FAM120A: variants seen among roughly 807,000 people sequenced by gnomAD.
FAM120A encodes the protein family with sequence similarity 120 member A.
In FAM120A, 15 loss-of-function variants were observed where a neutral mutation model predicts 109.7. The observed-to-expected ratio is 0.14, with a 90% confidence interval of 0.09 to 0.21. The LOEUF is 0.21. Among genes scored for constraint, FAM120A ranks in the 10% least tolerant of loss-of-function variants. The pLI is 1.00. For synonymous variants in FAM120A, 493 were observed against 572.8 expected (o/e 0.86, Z 1.99); for missense variants, 899 against 1,439.3 (o/e 0.62, Z 6.07).
chr9:93,452,819 G>A lies in FAM120A; in HGVS notation c.474+430G>A. 1 of 1,572,630 alleles carries A rather than the reference G, an allele frequency of 6.4e-7. No individual in the cohort carries two copies. The highest frequency in any genetic ancestry group is 1.1e-5 in the South Asian group (1 of 88,272). On this transcript the variant is annotated intron_variant, in intron 1 of 17. Transcript: ENST00000277165. This position sits in a 1 kb window ranked among gnomAD's most constrained non-coding sequence, Gnocchi z 7.0. ...ACAGGTTCATCTTGGAAGCAGGCAGGATACAGAGTAATAGAGGGGGTTTCG... is the reference window on the plus strand; with the variant it reads ...ACAGGTTCATCTTGGAAGCAGGCAGAATACAGAGTAATAGAGGGGGTTTCG...
At chr9:93,496,759 G>A (rs1414074141) in intron 3 of FAM120A, among the ~76,000 whole-genome samples, 1 of 152,242 alleles carries the variant, frequency 6.6e-6, no homozygotes, top group Non-Finnish European at 1.5e-5. Context: ...AGCTTTGGGA[G>A]GTCATTGTCC....
At chr9:93,559,876 C>T (rs1352506328) in intron 15 of FAM120A, among the ~76,000 whole-genome samples, 1 of 152,224 alleles carries the variant, frequency 6.6e-6, no homozygotes, top group Non-Finnish European at 1.5e-5. Context: ...CTCAGATTTG[C>T]ACTGCCTAGT....
At chr9:93,464,841 A>T (rs1434297597) in intron 1 of FAM120A, among the ~76,000 whole-genome samples, 1 of 152,202 alleles carries the variant, frequency 6.6e-6, no homozygotes, top group African/African-American at 2.4e-5. Flanking sequence ...TTCAGGGCTT[A>T]ATTTTTTACG....
intron 3 of FAM120A, among the ~76,000 whole-genome samples, chr9:93,481,085 T>C (rs900777974): frequency 2.6e-5 from 4 of 152,154 alleles, no homozygotes; most frequent in Non-Finnish European, 4.4e-5. Flanking sequence ...CCATTCGGTC[T>C]GCCTGGACAT....
Position 93,471,399 on chromosome 9 carries a change from A to C in FAM120A, c.721+12A>C. 6.2e-7 allele frequency: 1 copy of C among 1,613,934 alleles called. No individual in the cohort carries two copies. Among genetic ancestry groups the C allele is most frequent in the Non-Finnish European group, 8.5e-7 (1 of 1,179,848 alleles). On this transcript the variant is annotated intron_variant, in intron 2 of 17. Transcript: ENST00000277165. ...TGCTGCTCTCTTAGGTAGGTGGAGC[A>C]GTGTGAAAATATTTTATAAGGGAGT...
chr9:93,509,170 T>A (rs1860200037), intron 5 of FAM120A, among the ~76,000 whole-genome samples: 1 of 152,208 alleles, frequency 6.6e-6, no homozygotes, highest in Admixed American at 6.5e-5. Flanking sequence ...AGTGGAAATG[T>A]GAAAGAGACC....
Position 93,558,570 on chromosome 9 carries a change from G to A in FAM120A, c.2669-11G>A, listed in dbSNP as rs1396000873. Reference sequence around the variant, plus strand: ...CACTTCTCCCCTCTCTCTCTACCCCGGGTCCCACAGGCGTCTGTGGCTTTG... The same window carrying A: ...CACTTCTCCCCTCTCTCTCTACCCCAGGTCCCACAGGCGTCTGTGGCTTTG... On this transcript the variant is annotated splice_polypyrimidine_tract_variant and intron_variant, in intron 14 of 17. Transcript: ENST00000277165. 36 of 1,613,768 alleles carry A rather than the reference G, an allele frequency of 2.2e-5. No homozygotes were observed. Among genetic ancestry groups the A allele is most frequent in the Non-Finnish European group, 2.5e-5 (30 of 1,179,938 alleles).
chr9:93,557,231 G>A (rs1862316932), intron 13 of FAM120A, among the ~76,000 whole-genome samples: 1 of 148,566 alleles, frequency 6.7e-6, no homozygotes, highest in South Asian at 2.2e-4. Context: ...CCAGGTTCAA[G>A]TGATTCTCCT....
At chr9:93,525,092 G>A (rs1400146915) in intron 7 of FAM120A, among the ~76,000 whole-genome samples, 4 of 151,582 alleles carry the variant, frequency 2.6e-5, no homozygotes, top group East Asian at 1.9e-4. Context: ...AAATATATTG[G>A]CCTTCTCAAA....
At chr9:93,534,868 A>G (rs1246509444) in intron 10 of FAM120A, among the ~76,000 whole-genome samples, 1 of 152,126 alleles carries the variant, frequency 6.6e-6, no homozygotes, top group Non-Finnish European at 1.5e-5. Flanking sequence ...GGGTAAGGAT[A>G]CCTCAGATTT....
intron 3 of FAM120A, among the ~76,000 whole-genome samples, chr9:93,495,483 G>A (rs956572216): frequency 1.3e-5 from 2 of 152,206 alleles, no homozygotes. Context: ...ATACATGGAG[G>A]CTTTGAGAGC....
At chr9:93,479,013 G>T (rs1858676223) in intron 3 of FAM120A, among the ~76,000 whole-genome samples, 1 of 151,426 alleles carries the variant, frequency 6.6e-6, no homozygotes, top group African/African-American at 2.4e-5. Context: ...ATAATATTCT[G>T]AGTTTTATTT....
At chr9:93,523,323 G>C in intron 7 of FAM120A, 2 of 1,289,394 alleles carry the variant, frequency 1.6e-6, no homozygotes, top group Non-Finnish European at 2.0e-6. Flanking sequence ...GTTTCACAAA[G>C]AGAATTCCAT....
In FAM120A at chr9:93,532,120, A is replaced by G. The variant is rs1861352414; in HGVS notation, c.1735-35A>G. 6.3e-7 allele frequency: 1 copy of G among 1,590,230 alleles called. No homozygotes were observed. Among genetic ancestry groups the G allele is most frequent in the Non-Finnish European group, 8.6e-7 (1 of 1,161,724 alleles). ...GTGTATTGTAAATTCAACATGAAAA[A>G]TGTGCAATGTTATTCTGCTTTCTTC... On this transcript the variant is annotated intron_variant, in intron 9 of 17. Transcript: ENST00000277165. This position sits in a 1 kb window ranked among gnomAD's most constrained non-coding sequence, Gnocchi z 4.3.
At chr9:93,514,815 CCT>C (rs1424135699) in intron 5 of FAM120A, among the ~76,000 whole-genome samples, 1 of 152,178 alleles carries the variant, frequency 6.6e-6, no homozygotes. Flanking sequence ...TGACGTGGCC[CCT>C]GAGCTCTCTT....
At chr9:93,456,530 G>C (rs1450279322) in intron 1 of FAM120A, among the ~76,000 whole-genome samples, 1 of 152,186 alleles carries the variant, frequency 6.6e-6, no homozygotes, top group African/African-American at 2.4e-5. Context: ...ACTTGATGGG[G>C]GAAGAGAATG....
intron 1 of FAM120A, among the ~76,000 whole-genome samples, chr9:93,454,590 A>G (rs983398982): frequency 6.6e-6 from 1 of 152,228 alleles, no homozygotes; most frequent in Non-Finnish European, 1.5e-5. Context: ...CAGGAGCACC[A>G]TTAATAGCAA....
intron 10 of FAM120A, among the ~76,000 whole-genome samples, chr9:93,534,800 CA>C (rs1314255175): frequency 2.0e-5 from 3 of 151,990 alleles, no homozygotes; most frequent in Non-Finnish European, 4.4e-5. Context: ...GAAGGAGAAG[CA>C]GAGGCAGAAG....
chr9:93,545,780 C>CTTTTTTTTTTTTTTTTTTTTTTTTTTTT lies in FAM120A; in HGVS notation c.2159+2335_2159+2336insTTTTTTTTTTTTTTTTTTTTTTTTTTTT, dbSNP rs774150537. ...GAAGACTGGCTGATGGGAAAGACTC[C>CTTTTTTTTTTTTTTTTTTTTTTTTTTTT]TTTTTTTTTTTTTTTTTTTTTTTTT... On this transcript the variant is annotated intron_variant, in intron 11 of 17. Transcript: ENST00000277165. Among the ~76,000 whole-genome samples, 27 of 65,512 alleles carry CTTTTTTTTTTTTTTTTTTTTTTTTTTTT rather than the reference C, an allele frequency of 4.1e-4. 2 individuals are homozygous for CTTTTTTTTTTTTTTTTTTTTTTTTTTTT. The highest frequency in any genetic ancestry group is 1.0e-3 in the East Asian group (2 of 1,936). 43.0% of individuals were successfully genotyped at this position (65,512 alleles called of 152,430 possible).
Sources: allele counts gnomAD v4.1 joint callset (sites outside exome capture counted in the v4.1 genomes callset), GRCh38; gene constraint gnomAD v4.1.1; non-coding constraint Gnocchi (gnomAD v3.1); transcripts MANE v1.5; gene names NCBI Gene and HGNC (gene_info 2026-07-23, HGNC 2026-07-21).